Variants in COX7B2 observed in about 807,000 individuals in gnomAD.
The protein encoded by COX7B2 is cytochrome c oxidase subunit 7B2, also known as cytochrome c oxidase subunit 7B2, mitochondrial.
For missense variants in COX7B2, 109 were observed against 95.9 expected, an observed-to-expected ratio of 1.14 and a Z score of -0.57; for synonymous variants, 37 against 32.1, an observed-to-expected ratio of 1.15 and a Z score of -0.51.
intron 1 of COX7B2, among the ~76,000 whole-genome samples, chr4:46,908,799 T>C (rs2109916368): frequency 6.7e-6 from 1 of 149,124 alleles, no homozygotes; most frequent in South Asian, 2.1e-4. Context: ...CCCAACACTT[T>C]GGGAGGCCGA....
intron 1 of COX7B2, among the ~76,000 whole-genome samples, chr4:46,908,005 G>A (rs1553900168): frequency 6.6e-6 from 1 of 151,598 alleles, no homozygotes; most frequent in African/African-American, 2.4e-5. Context: ...AGGCGCGTGC[G>A]ACCACGCCTG....
intron 2 of COX7B2, among the ~76,000 whole-genome samples, chr4:46,802,150 T>C (rs1718689035): frequency 6.6e-6 from 1 of 152,044 alleles, no homozygotes; most frequent in African/African-American, 2.4e-5. Context: ...ATCAAAATAA[T>C]TCAAAAAGTA....
chr4:46,753,016 G>A (rs977730025), intron 2 of COX7B2, among the ~76,000 whole-genome samples: 101 of 152,102 alleles, frequency 6.6e-4, no homozygotes, highest in Non-Finnish European at 8.2e-4. Flanking sequence ...TTGTACCTCT[G>A]GTAGAATTCA....
chr4:46,782,620 A>G lies in COX7B2; in HGVS notation c.-49-47379T>C, dbSNP rs556152193. ...TGGAAGCTTTGTTCTTTTGCTCTTC[A>G]CAATAAATCTTGCTGCTGCTCACTC... On this transcript the variant is annotated intron_variant, in intron 2 of 2. Coordinates refer to ENST00000355591, the MANE Select transcript of COX7B2 (RefSeq NM_130902.3). Among the ~76,000 whole-genome samples, 189 of 152,256 alleles carry G rather than the reference A, an allele frequency of 1.2e-3. 1 individual carries two copies. Among genetic ancestry groups the G allele is most frequent in the African/African-American group, 4.3e-3 (179 of 41,538 alleles).
intron 2 of COX7B2, among the ~76,000 whole-genome samples, chr4:46,818,070 T>G (rs1473303020): frequency 1.3e-5 from 2 of 152,176 alleles, no homozygotes; most frequent in African/African-American, 4.8e-5. Flanking sequence ...AAAAGGTAAG[T>G]ACACTGGCAT....
chr4:46,746,690 A>G (rs1715043501), intron 2 of COX7B2, among the ~76,000 whole-genome samples: 1 of 152,228 alleles, frequency 6.6e-6, no homozygotes, highest in Admixed American at 6.5e-5. Context: ...GGGCAAATCT[A>G]CAATGTGTGA....
chr4:46,755,980 C>A (rs1259862894), intron 2 of COX7B2, among the ~76,000 whole-genome samples: 2 of 151,822 alleles, frequency 1.3e-5, no homozygotes, highest in African/African-American at 4.8e-5. Context: ...TTATATGGAA[C>A]CAAAAAATGG....
intron 1 of COX7B2, among the ~76,000 whole-genome samples, chr4:46,870,683 G>A (rs1040391478): frequency 2.0e-5 from 3 of 151,818 alleles, no homozygotes; most frequent in Non-Finnish European, 4.4e-5. Flanking sequence ...TAGCATTCCA[G>A]TACACCACCA....
chr4:46,876,854 C>CT (rs1364307943), intron 1 of COX7B2: 2 of 152,150 alleles, frequency 1.3e-5, no homozygotes, highest in East Asian at 3.8e-4. Flanking sequence ...CTTTGTGAGA[C>CT]TTTGTCAAGT....
chr4:46,762,182 C>T (rs1375280826), intron 2 of COX7B2, among the ~76,000 whole-genome samples: 3 of 76,562 alleles, frequency 3.9e-5, no homozygotes, highest in African/African-American at 8.3e-5. Flanking sequence ...GAAAACAAAA[C>T]ATATATTGTG....
chr4:46,767,129 T>C (rs1716589210), intron 2 of COX7B2, among the ~76,000 whole-genome samples: 1 of 152,222 alleles, frequency 6.6e-6, no homozygotes, highest in Non-Finnish European at 1.5e-5. Flanking sequence ...GAGTTTAGCT[T>C]TCAAGGCACA....
At chr4:46,771,221 T>G (rs1716859042) in intron 2 of COX7B2, among the ~76,000 whole-genome samples, 1 of 152,168 alleles carries the variant, frequency 6.6e-6, no homozygotes. Context: ...ATTCTCAACA[T>G]CACTAACTAT....
intron 1 of COX7B2, among the ~76,000 whole-genome samples, chr4:46,887,647 C>T (rs1719157467): frequency 6.9e-6 from 1 of 144,258 alleles, no homozygotes. Context: ...GAAGGCGGAG[C>T]TTGCAGTGAG....
chr4:46,907,203 T>A (rs1720444049), intron 1 of COX7B2, among the ~76,000 whole-genome samples: 2 of 152,308 alleles, frequency 1.3e-5, no homozygotes, highest in South Asian at 4.1e-4. Flanking sequence ...ACATACAACA[T>A]TTAGATCCTC....
At chr4:46,781,081 T>C (rs1158398402) in intron 2 of COX7B2, among the ~76,000 whole-genome samples, 1 of 152,172 alleles carries the variant, frequency 6.6e-6, no homozygotes, top group African/African-American at 2.4e-5. Context: ...AGCAGGCAGA[T>C]ATGATTACCA....
chr4:46,850,578 A>G (rs1425998595), intron 1 of COX7B2, among the ~76,000 whole-genome samples: 2 of 152,124 alleles, frequency 1.3e-5, no homozygotes, highest in Non-Finnish European at 2.9e-5. Flanking sequence ...ACTTCACTTC[A>G]TTTTAATATA....
intron 1 of COX7B2, among the ~76,000 whole-genome samples, chr4:46,852,654 A>T (rs1166748972): frequency 6.6e-6 from 1 of 152,132 alleles, no homozygotes; most frequent in Non-Finnish European, 1.5e-5. Flanking sequence ...ATTTGTTTGT[A>T]ACCCCAAAAT....
chr4:46,781,363 A>G (rs1290027165), intron 2 of COX7B2, among the ~76,000 whole-genome samples: 1 of 152,212 alleles, frequency 6.6e-6, no homozygotes, highest in African/African-American at 2.4e-5. Flanking sequence ...GTTAACACAA[A>G]CACACACATT....
intron 1 of COX7B2, among the ~76,000 whole-genome samples, chr4:46,907,848 C>CATTTTTTTTTTTTT: frequency 1.7e-5 from 1 of 59,730 alleles, no homozygotes; most frequent in Non-Finnish European, 3.1e-5. Flanking sequence ...TTTGAGCAGA[C>CATTTTTTTTTTTTT]TTTTTTTTTT....
Sources: allele counts gnomAD v4.1 joint callset (sites outside exome capture counted in the v4.1 genomes callset), GRCh38; gene constraint gnomAD v4.1.1; transcripts MANE v1.5; gene names NCBI Gene and HGNC (gene_info 2026-07-23, HGNC 2026-07-21).